The following ZNF274 variants were observed in gnomAD, a reference collection of about 807,000 sequenced individuals.
ZNF274 encodes zinc finger protein 274.
In ZNF274, 23 loss-of-function variants were observed where a neutral mutation model predicts 42.5. The ratio of observed to expected loss-of-function variants is 0.54; its 90% CI spans 0.39 to 0.77. The LOEUF (loss-of-function observed/expected upper bound fraction) is 0.77. Among genes scored for constraint, ZNF274 ranks in the 30% least tolerant of loss-of-function variants. The pLI is 0.00. For missense variants in ZNF274, 679 were observed against 806.5 expected, an observed-to-expected ratio of 0.84 and a Z score of 1.91; for synonymous variants, 292 against 305.4, an observed-to-expected ratio of 0.96 and a Z score of 0.46.
chr19:58,189,134 T>C (rs1307196684), intron 4 of ZNF274, among the ~76,000 whole-genome samples: 2 of 152,192 alleles, frequency 1.3e-5, no homozygotes, highest in Non-Finnish European at 2.9e-5. Flanking sequence ...ATTTTTTTCT[T>C]GTTTGTGGGA....
In ZNF274 at chr19:58,211,770, T is replaced by C. The variant is rs2076043366; in HGVS notation, c.979+84T>C. On this transcript the variant is annotated intron_variant, in intron 7 of 7. Transcript: ENST00000617501. This position sits in a 1 kb window ranked among gnomAD's most constrained non-coding sequence, Gnocchi z 4.8. ...TCAGGGGTGTTCACCTTCTCTAGAC[T>C]CCACACTGGGCATTCCCTCAAGGGG... 2 of 1,513,374 alleles carry C rather than the reference T, an allele frequency of 1.3e-6. No homozygotes were observed. The highest frequency in any genetic ancestry group is 2.1e-5 in the Admixed American group (1 of 47,458). The allele number at this position is 1,513,374 out of a possible 1,614,324, so 93.7% of individuals were successfully genotyped here. A position where few individuals can be genotyped will look rare whatever the true frequency, so the allele number is the denominator to read the frequency against.
chr19:58,187,028 A>C lies in ZNF274; in HGVS notation c.242A>C (p.Gln81Pro), dbSNP rs1276486934. 6.2e-7 allele frequency: 1 copy of C among 1,612,330 alleles called. No homozygotes were observed. The highest frequency in any genetic ancestry group is 2.2e-5 in the East Asian group (1 of 44,882). Residue 81 changes from glutamine (Q) to proline (P), a missense_variant, in exon 4 of 8, where the codon CAA (glutamine) becomes CCA (proline). By Grantham distance (76) the Gln-to-Pro change is moderately conservative. Around this residue, in one of 2 missense-constraint regions of ZNF274, gnomAD observed 223 missense variants for 216.4 expected, o/e 1.03. Coordinates refer to ENST00000617501, the MANE Select transcript of ZNF274 (RefSeq NM_133502.3). ...DFWPVERGIP[Q>P]DTIPEYPELQ... is the part of the protein sequence containing the mutation. Reference sequence around the variant, plus strand: ...TGGCCAGTGGAGAGAGGAATTCCTCAAGACACCATTCCAGGTGAGAACCAG... The same window carrying C: ...TGGCCAGTGGAGAGAGGAATTCCTCCAGACACCATTCCAGGTGAGAACCAG...
chr19:58,185,614 GA>G (rs2075688421), intron 2 of ZNF274, 97 bp from the exon 3 acceptor site: 1 of 1,309,850 alleles, frequency 7.6e-7, no homozygotes, highest in African/African-American at 1.5e-5. Flanking sequence ...TCATCTTGTA[GA>G]CCATTCTGTG....
At chr19:58,186,403 T>C (rs1466823042) in intron 3 of ZNF274, among the ~76,000 whole-genome samples, 2 of 151,354 alleles carry the variant, frequency 1.3e-5, no homozygotes. Flanking sequence ...AATACAAAAA[T>C]TAGCCGAGCA....
In ZNF274 at chr19:58,206,758, C is replaced by T; in HGVS notation, c.295C>T (p.Leu99Phe). The part of the protein sequence containing the change: ...ELQLDPKLDP[L>F]PAESPLMNIE... ...CCAGCTGGACCCTAAATTGGATCCT[C>T]TTCCTGCTGAGAGTCCCCTAATGAA... Residue 99 changes from leucine to phenylalanine, a missense_variant, in exon 5 of 8, where the codon CTT becomes TTT. By Grantham distance (22) the Leu-to-Phe change is conservative. Transcript: ENST00000617501. 2 of 1,606,342 alleles carry T rather than the reference C, an allele frequency of 1.2e-6. No homozygotes were observed. Among genetic ancestry groups the T allele is most frequent in the East Asian group, 2.2e-5 (1 of 44,600 alleles).
chr19:58,213,200 G>A lies in ZNF274; in HGVS notation c.*57G>A, dbSNP rs2076064965. 1 of 1,537,522 alleles carries A rather than the reference G, an allele frequency of 6.5e-7. No individual in the cohort carries two copies. Among genetic ancestry groups the A allele is most frequent in the East Asian group, 2.3e-5 (1 of 44,286 alleles). On this transcript the variant is annotated 3_prime_UTR_variant, in exon 8 of 8. Coordinates refer to ENST00000617501, the MANE Select transcript of ZNF274 (RefSeq NM_133502.3). ...TCAGCTTGACCCTGCAATATAACAT[G>A]CACAGGCCTGCTTGTGAATCAGGAC...
At chr19:58,188,706 A>G (rs188242764) in intron 4 of ZNF274, among the ~76,000 whole-genome samples, 9 of 93,650 alleles carry the variant, frequency 9.6e-5, no homozygotes, top group African/African-American at 4.5e-4. Context: ...ATATATATAT[A>G]TATATATATA....
chr19:58,200,364 G>A (rs1439405668), intron 4 of ZNF274, among the ~76,000 whole-genome samples: 1 of 152,180 alleles, frequency 6.6e-6, no homozygotes, highest in Non-Finnish European at 1.5e-5. Flanking sequence ...AGTTCCATTG[G>A]ACAGCACTGC....
intron 4 of ZNF274, among the ~76,000 whole-genome samples, chr19:58,194,745 T>TTTA (rs371839371): frequency 0.041 from 6,287 of 151,928 alleles, 173 homozygotes; most frequent in East Asian, 0.12. Context: ...CGGTGGCTGA[T>TTTA]GTCTATAATG....
intron 4 of ZNF274, among the ~76,000 whole-genome samples, chr19:58,188,759 T>C (rs937847725): frequency 7.1e-6 from 1 of 140,808 alleles, no homozygotes; most frequent in Non-Finnish European, 1.5e-5. Context: ...CAGGGGCTCA[T>C]GCCTATAATC....
At chr19:58,185,100 A>G (rs2075681330) in intron 2 of ZNF274, among the ~76,000 whole-genome samples, 1 of 146,806 alleles carries the variant, frequency 6.8e-6, no homozygotes, top group South Asian at 2.2e-4. Flanking sequence ...AGCCTGGGCG[A>G]CAGAGAGAGA....
In ZNF274 at chr19:58,213,185, C is replaced by A; in HGVS notation, c.*42C>A. The A allele has an allele frequency of 6.4e-7, 1 of 1,564,726 alleles. No individual in the cohort carries two copies. Among genetic ancestry groups the A allele is most frequent in the Non-Finnish European group, 8.6e-7 (1 of 1,156,768 alleles). ...AGAAACCTTGCCTTTTCAGCTTGAC[C>A]CTGCAATATAACATGCACAGGCCTG... On this transcript the variant is annotated 3_prime_UTR_variant, in exon 8 of 8. Transcript: ENST00000617501.
chr19:58,189,409 A>T (rs895336758), intron 4 of ZNF274, among the ~76,000 whole-genome samples: 1 of 152,066 alleles, frequency 6.6e-6, no homozygotes, highest in African/African-American at 2.4e-5. Context: ...CAGCACTTAA[A>T]TTTTTTTCTT....
rs573808592 is a variant in ZNF274, at chr19:58,198,116, A to C, written c.257-8604A>C. Among the ~76,000 whole-genome samples, 239 of 152,356 alleles carry C rather than the reference A, an allele frequency of 1.6e-3. 2 individuals are homozygous for C. Among genetic ancestry groups the C allele is most frequent in the African/African-American group, 5.4e-3 (224 of 41,596 alleles). The stretch of plus-strand genomic sequence containing the variant: ...TATAGAAAGAGGAACAATGGCTTTA[A>C]GAAAAAAAAAGAAGAATAAATGAGT... On this transcript the variant is annotated intron_variant, in intron 4 of 7. Coordinates refer to ENST00000617501, the MANE Select transcript of ZNF274 (RefSeq NM_133502.3).
chr19:58,203,346 GGCCGAGAT>G (rs1280733424), intron 4 of ZNF274, among the ~76,000 whole-genome samples: 1 of 152,162 alleles, frequency 6.6e-6, no homozygotes, highest in Admixed American at 6.5e-5. Flanking sequence ...CACTTTGGGA[GGCCGAGAT>G]GGACGGATCA....
chr19:58,194,169 A>G (rs945869935), intron 4 of ZNF274, among the ~76,000 whole-genome samples: 18 of 152,010 alleles, frequency 1.2e-4, no homozygotes, highest in African/African-American at 4.3e-4. Flanking sequence ...TTGAGATTGC[A>G]GTGCACCACT....
chr19:58,200,158 T>C (rs1321673810), intron 4 of ZNF274, among the ~76,000 whole-genome samples: 1 of 152,202 alleles, frequency 6.6e-6, no homozygotes, highest in Non-Finnish European at 1.5e-5. Flanking sequence ...CAGGGCTGGA[T>C]CACAGTGATG....
In ZNF274 at chr19:58,183,946, A is replaced by G. The variant is rs771966146; in HGVS notation, c.-20A>G. ...GACTCTGCCCACTTCCACCAGAGAC[A>G]CATTGAGAAGGAGGAAACTATGGCC... On this transcript the variant is annotated 5_prime_UTR_variant, in exon 2 of 8. Coordinates refer to ENST00000617501, the MANE Select transcript of ZNF274 (RefSeq NM_133502.3). 6.3e-7 allele frequency: 1 copy of G among 1,590,758 alleles called. No homozygotes were observed. The highest frequency in any genetic ancestry group is 1.1e-5 in the South Asian group (1 of 87,308).
chr19:58,187,623 G>A (rs1288387589), intron 4 of ZNF274, among the ~76,000 whole-genome samples: 1 of 152,174 alleles, frequency 6.6e-6, no homozygotes. Context: ...TCACCATGTT[G>A]CCCAGGCTGG....
Sources: allele counts gnomAD v4.1 joint callset (sites outside exome capture counted in the v4.1 genomes callset), GRCh38; gene constraint gnomAD v4.1.1; regional missense constraint gnomAD v4.1.1; non-coding constraint Gnocchi (gnomAD v3.1); transcripts MANE v1.5; gene names NCBI Gene and HGNC (gene_info 2026-07-23, HGNC 2026-07-21).